ESR1: variants seen among roughly 807,000 people sequenced by gnomAD.
ESR1 encodes estrogen receptor 1.
In ESR1, 12 loss-of-function variants were observed where a neutral mutation model predicts 52.7. The ratio of observed to expected loss-of-function variants is 0.23; its 90% CI spans 0.15 to 0.37. The LOEUF (loss-of-function observed/expected upper bound fraction) is 0.37, where lower values mean the gene tolerates loss of function less well. Ranked by LOEUF, ESR1 falls within the 10% of genes least tolerant of loss-of-function variation. The pLI, the probability that ESR1 is intolerant of heterozygous loss-of-function variation, is 1.00. For synonymous variants in ESR1, 305 were observed against 316.8 expected (o/e 0.96, Z 0.39); for missense variants, 584 against 779.7 (o/e 0.75, Z 2.99).
At chr6:152,027,035 C>T (rs977074261) in intron 5 of ESR1, among the ~76,000 whole-genome samples, 16 of 151,458 alleles carry the variant, frequency 1.1e-4, no homozygotes, top group African/African-American at 3.9e-4. Flanking sequence ...GGCACGATCT[C>T]GGCTCACTGC....
chr6:151,949,340 A>G (rs920706853), intron 4 of ESR1, among the ~76,000 whole-genome samples: 1 of 152,238 alleles, frequency 6.6e-6, no homozygotes, highest in Non-Finnish European at 1.5e-5. Context: ...AGCATCTACA[A>G]GGAACACACT....
chr6:152,044,209 A>G (rs113191254), intron 5 of ESR1, among the ~76,000 whole-genome samples: 1,827 of 152,284 alleles, frequency 0.012, 28 homozygotes, highest in Non-Finnish European at 0.018. Context: ...TTTATTTTGC[A>G]TAACTCTCTA....
chr6:151,851,302 C>G (rs1786653049), intron 2 of ESR1, among the ~76,000 whole-genome samples: 1 of 152,122 alleles, frequency 6.6e-6, no homozygotes, highest in African/African-American at 2.4e-5. Context: ...TGCAGAAATT[C>G]TCTCTCTCCT....
intron 4 of ESR1, among the ~76,000 whole-genome samples, chr6:151,963,620 C>T (rs949406727): frequency 1.1e-4 from 16 of 152,168 alleles, no homozygotes; most frequent in African/African-American, 3.6e-4. Context: ...TTTTCCCCCA[C>T]TCTGTGGGTT....
intron 3 of ESR1, among the ~76,000 whole-genome samples, chr6:151,885,022 CG>C (rs1562512149): frequency 6.7e-6 from 1 of 148,548 alleles, no homozygotes; most frequent in Non-Finnish European, 1.5e-5. Context: ...CATGATGGCG[CG>C]GGGGTGGGGG....
intron 2 of ESR1, among the ~76,000 whole-genome samples, chr6:151,875,602 G>C (rs1371484605): frequency 1.3e-5 from 2 of 152,174 alleles, no homozygotes; most frequent in East Asian, 3.9e-4. Flanking sequence ...CCTATGATGA[G>C]ACACAAACTA....
intron 6 of ESR1, among the ~76,000 whole-genome samples, chr6:152,115,049 A>C (rs1391044950): frequency 6.6e-6 from 1 of 152,164 alleles, no homozygotes; most frequent in East Asian, 1.9e-4. Flanking sequence ...ACAAATGTTT[A>C]AAGTGCTTTC....
intron 3 of ESR1, among the ~76,000 whole-genome samples, chr6:151,908,834 G>A (rs990454989): frequency 3.3e-5 from 5 of 150,976 alleles, no homozygotes; most frequent in Middle Eastern, 3.4e-3. Flanking sequence ...GTTTTCTTAA[G>A]GCCACAACTG....
At chr6:151,757,245 A>G (rs1427809471) in intron 2 of ESR1, among the ~76,000 whole-genome samples, 1 of 152,120 alleles carries the variant, frequency 6.6e-6, no homozygotes, top group African/African-American at 2.4e-5. Flanking sequence ...ATTAAAAAAA[A>G]AAAGAAAACA....
At chr6:151,985,509 A>AAAAAAAAAAAAACAAAAAAAC in intron 4 of ESR1, among the ~76,000 whole-genome samples, 1 of 15,520 alleles carries the variant, frequency 6.4e-5, no homozygotes, top group African/African-American at 1.1e-4. Flanking sequence ...CTCTGTCTCA[A>AAAAAAAAAAAAACAAAAAAAC]AAAAAAAAAA....
At chr6:151,915,797 A>G (rs1348948859) in intron 3 of ESR1, among the ~76,000 whole-genome samples, 1 of 152,072 alleles carries the variant, frequency 6.6e-6, no homozygotes, top group Non-Finnish European at 1.5e-5. Flanking sequence ...CCTGTTGTTG[A>G]TATCACTGAC....
chr6:152,068,506 G>T (rs921305183), intron 6 of ESR1, among the ~76,000 whole-genome samples: 25 of 149,346 alleles, frequency 1.7e-4, no homozygotes, highest in African/African-American at 5.8e-4. Flanking sequence ...ATCCCAGAGT[G>T]GTGCCTTAAT....
chr6:151,688,288 G>T (rs768004585), upstream of ESR1, among the ~76,000 whole-genome samples: 47 of 152,298 alleles, frequency 3.1e-4, no homozygotes, highest in Non-Finnish European at 5.7e-4. Context: ...CACATACAAA[G>T]CACGTGTGTT....
intron 1 of ESR1, among the ~76,000 whole-genome samples, chr6:151,815,106 C>T (rs1240133525): frequency 2.0e-5 from 3 of 152,156 alleles, no homozygotes; most frequent in South Asian, 2.1e-4. Context: ...GTAACAGTTT[C>T]GAAAGCAACA....
chr6:152,088,813 C>T (rs972969438), intron 6 of ESR1, among the ~76,000 whole-genome samples: 1 of 152,080 alleles, frequency 6.6e-6, no homozygotes, highest in Admixed American at 6.5e-5. Flanking sequence ...TTATAAACAA[C>T]AGAAAATGGG....
chr6:152,044,222 C>T (rs928236837), intron 5 of ESR1, among the ~76,000 whole-genome samples: 4 of 152,180 alleles, frequency 2.6e-5, no homozygotes, highest in Non-Finnish European at 2.9e-5. Context: ...ACTCTCTACA[C>T]AGTTCACAGC....
intron 2 of ESR1, among the ~76,000 whole-genome samples, chr6:151,870,717 G>A (rs1460572541): frequency 6.6e-6 from 1 of 152,194 alleles, no homozygotes; most frequent in African/African-American, 2.4e-5. Context: ...TGGTCCATGG[G>A]AAGCATGTGG....
At chr6:151,821,054 G>T (rs756277250) in intron 1 of ESR1, among the ~76,000 whole-genome samples, 2 of 152,086 alleles carry the variant, frequency 1.3e-5, no homozygotes, top group Non-Finnish European at 2.9e-5. Flanking sequence ...TCCAGGTGAA[G>T]AAATCAAAGT....
chr6:151,887,842 T>C (rs1421293953), intron 3 of ESR1, among the ~76,000 whole-genome samples: 2 of 152,174 alleles, frequency 1.3e-5, no homozygotes, highest in Non-Finnish European at 2.9e-5. Flanking sequence ...AAGTCTTTAA[T>C]CCAGGTTGAG....
Sources: allele counts gnomAD v4.1 joint callset (sites outside exome capture counted in the v4.1 genomes callset), GRCh38; gene constraint gnomAD v4.1.1; transcripts MANE v1.5; gene names NCBI Gene and HGNC (gene_info 2026-07-23, HGNC 2026-07-21).